The following VAC14 variants were observed in gnomAD, a reference collection of about 807,000 sequenced individuals.
VAC14 encodes the protein VAC14 component of PIKFYVE complex.
In VAC14, 47 loss-of-function variants were observed where a neutral mutation model predicts 85.3. That is an observed-to-expected ratio of 0.55 (90% CI 0.44 to 0.70). The LOEUF (loss-of-function observed/expected upper bound fraction) is 0.70, where lower values mean the gene tolerates loss of function less well. Among genes scored for constraint, VAC14 ranks in the 30% least tolerant of loss-of-function variants. The probability of loss-of-function intolerance (pLI) is 0.00; values close to 1 mark genes in which losing one functional copy is unlikely to be tolerated. For missense variants in VAC14, 861 were observed against 1,004.3 expected (o/e 0.86, Z 1.93); for synonymous variants, 447 against 430.5 (o/e 1.04, Z -0.47).
At chr16:70,745,877 C>T (rs2030845607) in intron 12 of VAC14, among the ~76,000 whole-genome samples, 1 of 152,296 alleles carries the variant, frequency 6.6e-6, no homozygotes, top group East Asian at 1.9e-4. Flanking sequence ...ATGGGCAGGG[C>T]CATGTGGGCC....
intron 14 of VAC14, among the ~76,000 whole-genome samples, chr16:70,722,309 A>G (rs1021237467): frequency 1.2e-4 from 18 of 152,180 alleles, no homozygotes; most frequent in Admixed American, 9.8e-4. Flanking sequence ...CTGAGGCGGA[A>G]TTCTGTGCCA....
intron 17 of VAC14, among the ~76,000 whole-genome samples, chr16:70,693,321 G>A (rs572269078): frequency 2.6e-5 from 4 of 152,278 alleles, no homozygotes; most frequent in African/African-American, 4.8e-5. Context: ...CCCGCCCCCC[G>A]CTCAGCTGCC....
At chr16:70,724,773 C>T (rs1286698891) in intron 14 of VAC14, among the ~76,000 whole-genome samples, 1 of 152,212 alleles carries the variant, frequency 6.6e-6, no homozygotes, top group African/African-American at 2.4e-5. Flanking sequence ...CTCAAGCCAG[C>T]AAGAAGAGAA....
chr16:70,693,307 G>T (rs1490576026), intron 17 of VAC14, among the ~76,000 whole-genome samples: 1 of 152,216 alleles, frequency 6.6e-6, no homozygotes, highest in East Asian at 1.9e-4. Context: ...GGCCTGGTCT[G>T]TTTCCCGCCC....
At chr16:70,708,137 G>A (rs1229125197) in intron 14 of VAC14, among the ~76,000 whole-genome samples, 1 of 152,126 alleles carries the variant, frequency 6.6e-6, no homozygotes, top group Non-Finnish European at 1.5e-5. Flanking sequence ...CCCGTCCCCT[G>A]TGTCCATTCA....
intron 10 of VAC14, among the ~76,000 whole-genome samples, chr16:70,768,126 C>A (rs2032952015): frequency 6.6e-6 from 1 of 152,202 alleles, no homozygotes; most frequent in Non-Finnish European, 1.5e-5. Flanking sequence ...GCTCAAGCAA[C>A]CAGCCTGCCT....
chr16:70,710,128 T>C (rs915047075), intron 14 of VAC14, among the ~76,000 whole-genome samples: 2 of 152,206 alleles, frequency 1.3e-5, no homozygotes, highest in African/African-American at 4.8e-5. Flanking sequence ...AGGAAGGAAC[T>C]GAAGCCAAGG....
chr16:70,690,765 C>A, intron 18 of VAC14: 1 of 985,560 alleles, frequency 1.0e-6, no homozygotes, highest in Non-Finnish European at 1.2e-6. Context: ...GGGCCCCACC[C>A]TGCAATCTGA....
chr16:70,801,127 A>C lies in VAC14; in HGVS notation c.-227T>G, dbSNP rs2034789072. ...ACAACTCCCGCCCGGCACTAGCGGGACTCACGAGACAGCGGCCATGTTACT... is the reference window on the plus strand; with the variant it reads ...ACAACTCCCGCCCGGCACTAGCGGGCCTCACGAGACAGCGGCCATGTTACT... On this transcript the variant is annotated 5_prime_UTR_variant, in exon 1 of 19. Coordinates refer to ENST00000261776, the MANE Select transcript of VAC14 (RefSeq NM_018052.5). The C allele has an allele frequency of 4.7e-6, 2 of 423,266 alleles. No individual in the cohort carries two copies. The highest frequency in any genetic ancestry group is 8.3e-6 in the Non-Finnish European group (2 of 240,836). The allele number at this position is 423,266 out of a possible 1,614,324, so 26.2% of individuals were successfully genotyped here. A position where few individuals can be genotyped will look rare whatever the true frequency, so the allele number is the denominator to read the frequency against.
At chr16:70,730,787 T>A (rs1389865127) in intron 14 of VAC14, among the ~76,000 whole-genome samples, 1 of 152,014 alleles carries the variant, frequency 6.6e-6, no homozygotes, top group Admixed American at 6.6e-5. Context: ...CATCTTTTTT[T>A]AAAGCCTCTC....
chr16:70,781,548 C>T (rs1339305693), intron 8 of VAC14, among the ~76,000 whole-genome samples: 1 of 152,058 alleles, frequency 6.6e-6, no homozygotes, highest in Non-Finnish European at 1.5e-5. Context: ...TCTCTTAGGA[C>T]CCCTTCCTAA....
At chr16:70,688,849 C>G in intron 18 of VAC14, 1 of 985,604 alleles carries the variant, frequency 1.0e-6, no homozygotes, top group Non-Finnish European at 1.2e-6. Context: ...CTGTCCTGTT[C>G]CTACTCACCC....
chr16:70,757,223 C>T (rs999167201), intron 12 of VAC14, among the ~76,000 whole-genome samples: 2 of 152,234 alleles, frequency 1.3e-5, no homozygotes, highest in African/African-American at 2.4e-5. Flanking sequence ...CTGAGCCCAG[C>T]AGGGCTTGCC....
chr16:70,736,930 G>A lies in VAC14; in HGVS notation c.1529-5303C>T, dbSNP rs376525623. ...GGGCGGGCTGGACAGGGATGGGAAA[G>A]GCCTCAGTGCTCAGCAGGACAGGGT... On this transcript the variant is annotated intron_variant, in intron 13 of 18. Coordinates refer to ENST00000261776, the MANE Select transcript of VAC14 (RefSeq NM_018052.5). Among the ~76,000 whole-genome samples, 21 of 152,302 alleles carry A rather than the reference G, an allele frequency of 1.4e-4. No individual in the cohort carries two copies. In the East Asian group the frequency reaches 4.1e-3, roughly 29 times the overall value.
chr16:70,788,335 T>C (rs1230038924), intron 1 of VAC14, among the ~76,000 whole-genome samples: 1 of 152,204 alleles, frequency 6.6e-6, no homozygotes, highest in Non-Finnish European at 1.5e-5. Flanking sequence ...CAGGCACTGT[T>C]CACGCAAGAG....
At chr16:70,740,045 C>T (rs1277951729) in intron 13 of VAC14, among the ~76,000 whole-genome samples, 2 of 151,972 alleles carry the variant, frequency 1.3e-5, no homozygotes, top group East Asian at 3.9e-4. Flanking sequence ...TCTGCAACCT[C>T]CACCTGCTGG....
intron 1 of VAC14, among the ~76,000 whole-genome samples, chr16:70,791,642 T>G (rs1266039726): frequency 6.6e-6 from 1 of 152,196 alleles, no homozygotes; most frequent in East Asian, 1.9e-4. Flanking sequence ...CACCTTGGCC[T>G]CGTAAGTGCT....
At chr16:70,781,564 C>T (rs1157726744) in intron 8 of VAC14, among the ~76,000 whole-genome samples, 3 of 152,268 alleles carry the variant, frequency 2.0e-5, no homozygotes, top group Non-Finnish European at 4.4e-5. Flanking sequence ...CCTAAACCCT[C>T]CCACCAACAG....
At chr16:70,726,627 G>A (rs942418966) in intron 14 of VAC14, among the ~76,000 whole-genome samples, 6 of 152,190 alleles carry the variant, frequency 3.9e-5, no homozygotes, top group Non-Finnish European at 7.3e-5. Context: ...TGGGGTTTGA[G>A]CCCCAAATGA....
Sources: gnomAD v4.1 joint callset for allele counts (sites outside exome capture counted in the v4.1 genomes callset) on GRCh38, gnomAD v4.1.1 for gene constraint, MANE v1.5 for transcripts, NCBI Gene and HGNC (gene_info 2026-07-23, HGNC 2026-07-21) for gene names.